PLXNA2: variants seen among roughly 807,000 people sequenced by gnomAD.
PLXNA2 encodes plexin-A2.
In PLXNA2, 91 loss-of-function variants were observed where a neutral mutation model predicts 193.5. The ratio of observed to expected loss-of-function variants is 0.47; its 90% CI spans 0.40 to 0.56. PLXNA2 has a LOEUF of 0.56. Among genes scored for constraint, PLXNA2 ranks in the 20% least tolerant of loss-of-function variants. The pLI is 0.00. For missense variants in PLXNA2, 1,995 were observed against 2,503.2 expected, an observed-to-expected ratio of 0.80 and a Z score of 4.33; for synonymous variants, 997 against 1,027.3, an observed-to-expected ratio of 0.97 and a Z score of 0.56.
chr1:208,078,940 G>A (rs1260357294), intron 12 of PLXNA2, among the ~76,000 whole-genome samples: 1 of 152,088 alleles, frequency 6.6e-6, no homozygotes, highest in Non-Finnish European at 1.5e-5. Context: ...ACCCACCATG[G>A]AGCCAATTTC....
chr1:208,030,730 C>A, intron 29 of PLXNA2: 1 of 985,478 alleles, frequency 1.0e-6, no homozygotes, highest in Non-Finnish European at 1.2e-6. Flanking sequence ...TAACTCCAGA[C>A]AGCTGCGTGG....
In PLXNA2 at chr1:208,204,055, G is replaced by C. The variant is rs1266407658; in HGVS notation, c.1371+6225C>G. ...GACGTCAGGGCTTCCTGTGGGCTGG[G>C]GACTGGAGACCTTGGGTTGGTATGT... On this transcript the variant is annotated intron_variant, in intron 3 of 31. Transcript: ENST00000367033. Among the ~76,000 whole-genome samples the C allele has an allele frequency of 2.0e-5, 3 of 152,202 alleles. No homozygotes were observed. The South Asian group carries it at 6.2e-4, about 31-fold the overall frequency.
intron 3 of PLXNA2, among the ~76,000 whole-genome samples, chr1:208,200,072 G>A (rs1670491924): frequency 6.6e-6 from 1 of 152,162 alleles, no homozygotes; most frequent in African/African-American, 2.4e-5. Context: ...AAAGCCTGTT[G>A]ATGCCATTTC....
intron 13 of PLXNA2, among the ~76,000 whole-genome samples, chr1:208,060,375 G>A (rs548534909): frequency 6.6e-6 from 1 of 152,326 alleles, no homozygotes; most frequent in South Asian, 2.1e-4. Flanking sequence ...GGCTGACAGG[G>A]GAAGGGCTGG....
intron 3 of PLXNA2, among the ~76,000 whole-genome samples, chr1:208,197,327 C>A (rs937928875): frequency 4.6e-5 from 7 of 152,190 alleles, no homozygotes; most frequent in African/African-American, 1.4e-4. Context: ...GGTTAGATAA[C>A]CCTTGTGCAT....
At chr1:208,176,841 C>T (rs1328640582) in intron 3 of PLXNA2, among the ~76,000 whole-genome samples, 1 of 152,246 alleles carries the variant, frequency 6.6e-6, no homozygotes, top group Non-Finnish European at 1.5e-5. Flanking sequence ...CTGTCAGCTG[C>T]TTTCCCTTTT....
At chr1:208,174,188 C>T (rs1436345850) in intron 3 of PLXNA2, among the ~76,000 whole-genome samples, 2 of 152,174 alleles carry the variant, frequency 1.3e-5, no homozygotes, top group African/African-American at 2.4e-5. Context: ...GGGTCCTGCC[C>T]ACTGGCAGAC....
At chr1:208,054,182 G>A (rs895137908) in intron 14 of PLXNA2, among the ~76,000 whole-genome samples, 1 of 152,190 alleles carries the variant, frequency 6.6e-6, no homozygotes, top group Non-Finnish European at 1.5e-5. Context: ...ACTCTGACCT[G>A]TGGCCCTCTG....
intron 3 of PLXNA2, among the ~76,000 whole-genome samples, chr1:208,142,714 G>A (rs931512379): frequency 1.3e-5 from 2 of 152,206 alleles, no homozygotes; most frequent in African/African-American, 2.4e-5. Flanking sequence ...ACGCCCTTGG[G>A]AATGATTTTG....
chr1:208,217,080 C>T lies in PLXNA2; in HGVS notation c.843G>A (p.Val281=). Residue 281 remains valine (V), a synonymous_variant, in exon 2 of 32, where the codon GTG becomes GTA. Coordinates refer to ENST00000367033, the MANE Select transcript of PLXNA2 (RefSeq NM_025179.4). This position sits in a 1 kb window ranked among gnomAD's most constrained non-coding sequence, Gnocchi z 4.7. ...ACTTGGGGTCATCCTTGCAGAGCCG[C>T]ACGATGCGTGAGGTGTAGAAGAGGT... ...AGDLFYTSRI[V]RLCKDDPKFH... The T allele has an allele frequency of 6.2e-7, 1 of 1,614,106 alleles. No homozygotes were observed.
At chr1:208,046,465 G>A (rs1248337741) in intron 17 of PLXNA2, among the ~76,000 whole-genome samples, 1 of 152,024 alleles carries the variant, frequency 6.6e-6, no homozygotes, top group Non-Finnish European at 1.5e-5. Flanking sequence ...GGGCATGGGG[G>A]GCACACAGCA....
At chr1:208,177,298 A>G (rs888334048) in intron 3 of PLXNA2, among the ~76,000 whole-genome samples, 2 of 152,054 alleles carry the variant, frequency 1.3e-5, no homozygotes, top group Admixed American at 1.3e-4. Context: ...GATACTCACC[A>G]AGCAGAGGAC....
chr1:208,168,724 G>GTTTTTT (rs10668701), intron 3 of PLXNA2, among the ~76,000 whole-genome samples: 4 of 73,192 alleles, frequency 5.5e-5, no homozygotes, highest in Admixed American at 1.8e-4. Flanking sequence ...AGTATGCGGG[G>GTTTTTT]TTTTTTTTTT....
chr1:208,079,050 G>A (rs577086624), intron 12 of PLXNA2, among the ~76,000 whole-genome samples: 13 of 152,312 alleles, frequency 8.5e-5, no homozygotes, highest in East Asian at 1.9e-4. Context: ...ACATTCATGC[G>A]CAGGCATGAG....
chr1:208,238,001 A>G (rs1397020021), intron 1 of PLXNA2, among the ~76,000 whole-genome samples: 2 of 152,226 alleles, frequency 1.3e-5, no homozygotes, highest in Non-Finnish European at 2.9e-5. Context: ...TATTTGGTTC[A>G]GTGCAAAGGG....
intron 3 of PLXNA2, among the ~76,000 whole-genome samples, chr1:208,201,875 T>A (rs1346387220): frequency 6.6e-6 from 1 of 152,166 alleles, no homozygotes; most frequent in Non-Finnish European, 1.5e-5. Flanking sequence ...ATCTATTTTT[T>A]CCTTAGCACT....
intron 13 of PLXNA2, among the ~76,000 whole-genome samples, chr1:208,059,521 C>G (rs1335459775): frequency 2.0e-5 from 3 of 152,210 alleles, no homozygotes; most frequent in Non-Finnish European, 4.4e-5. Context: ...AGCCTCAGAG[C>G]TACACACTGA....
intron 18 of PLXNA2, among the ~76,000 whole-genome samples, chr1:208,045,488 G>T (rs1191542968): frequency 6.6e-6 from 1 of 152,110 alleles, no homozygotes; most frequent in East Asian, 1.9e-4. Context: ...AGGATGCATG[G>T]GATTTCACGA....
Position 208,236,327 on chromosome 1 carries a change from G to A in PLXNA2, c.-81+7316C>T, listed in dbSNP as rs1168164285. On this transcript the variant is annotated intron_variant, in intron 1 of 31. Transcript: ENST00000367033. This position sits in a 1 kb window ranked among gnomAD's most constrained non-coding sequence, Gnocchi z 4.4. ...GGGAGGTGGGAGGTCAGAGGCCAAC[G>A]TAATATTTACCCAGCCTAGCCGAGG... Among the ~76,000 whole-genome samples the A allele has an allele frequency of 1.5e-4, 23 of 152,182 alleles. No homozygotes were observed. The highest frequency in any genetic ancestry group is 4.4e-5 in the Non-Finnish European group (3 of 68,034).
Sources: gnomAD v4.1 joint callset for allele counts (sites outside exome capture counted in the v4.1 genomes callset) on GRCh38, gnomAD v4.1.1 for gene constraint, Gnocchi (gnomAD v3.1) non-coding constraint, MANE v1.5 for transcripts, NCBI Gene and HGNC (gene_info 2026-07-23, HGNC 2026-07-21) for gene names.